Variants in GPM6A observed in about 807,000 individuals in gnomAD.
GPM6A encodes the protein neuronal membrane glycoprotein M6-a.
A neutral mutation model predicts 32.1 loss-of-function variants in GPM6A; 7 were observed. That is an observed-to-expected ratio of 0.22 (90% CI 0.12 to 0.41). The LOEUF (loss-of-function observed/expected upper bound fraction) is 0.41. Ranked by LOEUF, GPM6A falls within the 10% of genes least tolerant of loss-of-function variation. GPM6A has a pLI of 1.00. For missense variants in GPM6A, 235 were observed against 347.2 expected (o/e 0.68, Z 2.57); for synonymous variants, 130 against 123.4 (o/e 1.05, Z -0.35).
At chr4:175,659,191 T>A (rs1742259874) in intron 3 of GPM6A, among the ~76,000 whole-genome samples, 1 of 151,916 alleles carries the variant, frequency 6.6e-6, no homozygotes, top group African/African-American at 2.4e-5. Flanking sequence ...CAAGCGACTC[T>A]CTTGCCTCAG....
At chr4:175,994,585 A>G (rs1741247738) in intron 1 of GPM6A, among the ~76,000 whole-genome samples, 1 of 152,226 alleles carries the variant, frequency 6.6e-6, no homozygotes, top group Non-Finnish European at 1.5e-5. Context: ...AAAAATGCTT[A>G]TAATAATCTG....
chr4:175,812,484 C>T (rs1734970842), upstream of GPM6A: 1 of 1,213,240 alleles, frequency 8.2e-7, no homozygotes, highest in African/African-American at 1.6e-5. Flanking sequence ...AATTTTTCTT[C>T]TCAAAGCTGC....
chr4:175,950,766 A>G (rs886353133), intron 1 of GPM6A, among the ~76,000 whole-genome samples: 2 of 152,214 alleles, frequency 1.3e-5, no homozygotes, highest in Non-Finnish European at 2.9e-5. Context: ...GACACACAAT[A>G]GTTCTAAATG....
intron 3 of GPM6A, among the ~76,000 whole-genome samples, chr4:175,671,645 G>T (rs1004333234): frequency 3.9e-5 from 6 of 152,124 alleles, no homozygotes; most frequent in Admixed American, 3.9e-4. Flanking sequence ...TGGCAGAGGG[G>T]AAGGGAGGCA....
chr4:175,817,566 G>C (rs1735146412), intron 1 of GPM6A, among the ~76,000 whole-genome samples: 1 of 152,288 alleles, frequency 6.6e-6, no homozygotes, highest in East Asian at 1.9e-4. Context: ...AAGTTTTCCT[G>C]GTTTCCTAGA....
chr4:175,910,783 C>T (rs1738289741), intron 1 of GPM6A, among the ~76,000 whole-genome samples: 2 of 152,164 alleles, frequency 1.3e-5, no homozygotes, highest in South Asian at 4.1e-4. Flanking sequence ...ACAACTTTTT[C>T]TGTACAAGGC....
chr4:175,746,468 C>A (rs1338165041), intron 1 of GPM6A, among the ~76,000 whole-genome samples: 2 of 152,060 alleles, frequency 1.3e-5, no homozygotes, highest in African/African-American at 4.8e-5. Flanking sequence ...TCTTAAAAGA[C>A]CAGATTTAAA....
At chr4:175,840,182 A>G (rs1735892113) in intron 1 of GPM6A, among the ~76,000 whole-genome samples, 1 of 152,238 alleles carries the variant, frequency 6.6e-6, no homozygotes, top group African/African-American at 2.4e-5. Flanking sequence ...AATCTAACCC[A>G]TCATAATTTT....
chr4:175,809,980 C>A (rs1255627473), intron 1 of GPM6A, among the ~76,000 whole-genome samples: 1 of 152,188 alleles, frequency 6.6e-6, no homozygotes, highest in African/African-American at 2.4e-5. Context: ...AAGCCACTTA[C>A]TTCTTGCAAA....
At chr4:175,709,653 G>C (rs1207345026) in intron 1 of GPM6A, among the ~76,000 whole-genome samples, 1 of 150,842 alleles carries the variant, frequency 6.6e-6, no homozygotes, top group Non-Finnish European at 1.5e-5. Flanking sequence ...GCTTGAACCC[G>C]GGAGGTGGAA....
intron 3 of GPM6A, among the ~76,000 whole-genome samples, chr4:175,652,287 T>C (rs1741854615): frequency 6.6e-6 from 1 of 152,120 alleles, no homozygotes; most frequent in Admixed American, 6.6e-5. Context: ...TCACCACAGA[T>C]TTTTTTTAAA....
intron 2 of GPM6A, among the ~76,000 whole-genome samples, chr4:175,691,951 G>GC (rs1168856407): frequency 6.6e-6 from 1 of 152,162 alleles, no homozygotes; most frequent in Non-Finnish European, 1.5e-5. Context: ...GCCAAGGGAT[G>GC]CAGGTGGCCT....
intron 4 of GPM6A, among the ~76,000 whole-genome samples, chr4:175,649,817 T>G (rs973511023): frequency 1.4e-4 from 22 of 152,284 alleles, no homozygotes; most frequent in African/African-American, 5.3e-4. Context: ...CATACAATAT[T>G]TGGTACCATA....
At chr4:175,916,710 A>G (rs1377449230) in intron 1 of GPM6A, among the ~76,000 whole-genome samples, 1 of 152,132 alleles carries the variant, frequency 6.6e-6, no homozygotes, top group Non-Finnish European at 1.5e-5. Flanking sequence ...CTAATTATAG[A>G]ATCAGATGCA....
chr4:175,690,820 A>G (rs1433723174), intron 2 of GPM6A, among the ~76,000 whole-genome samples: 2 of 152,208 alleles, frequency 1.3e-5, no homozygotes, highest in African/African-American at 4.8e-5. Flanking sequence ...ATATGATGTT[A>G]CAAGGATTAT....
upstream of GPM6A, among the ~76,000 whole-genome samples, chr4:175,817,157 C>G (rs12498955): frequency 0.81 from 123,722 of 152,208 alleles, 51,640 homozygotes; most frequent in South Asian, 0.91. Flanking sequence ...CGCCCCGCGG[C>G]CAACATTTTC....
chr4:175,738,986 A>G (rs999582088), intron 1 of GPM6A, among the ~76,000 whole-genome samples: 2 of 152,212 alleles, frequency 1.3e-5, no homozygotes, highest in Non-Finnish European at 2.9e-5. Flanking sequence ...CATGAAAAAA[A>G]CATTTAAGTA....
At chr4:175,700,580 T>G (rs1036057015) in intron 2 of GPM6A, among the ~76,000 whole-genome samples, 8 of 152,192 alleles carry the variant, frequency 5.3e-5, no homozygotes, top group Non-Finnish European at 8.8e-5. Flanking sequence ...TTTGTAAATC[T>G]AAAAGCATCA....
chr4:175,820,563 C>A (rs1735247075), intron 1 of GPM6A, among the ~76,000 whole-genome samples: 2 of 131,082 alleles, frequency 1.5e-5, no homozygotes, highest in Admixed American at 1.9e-4. Flanking sequence ...TGCAGTGGTG[C>A]AATCTCTGCT....
Sources: allele counts gnomAD v4.1 joint callset (sites outside exome capture counted in the v4.1 genomes callset), GRCh38; gene constraint gnomAD v4.1.1; transcripts MANE v1.5; gene names NCBI Gene and HGNC (gene_info 2026-07-23, HGNC 2026-07-21).